Variants in PRKCSH observed in about 807,000 individuals in gnomAD.
PRKCSH encodes glucosidase 2 subunit beta.
Under a neutral mutation model 79.7 loss-of-function variants are expected in PRKCSH, and 42 were observed. That is an observed-to-expected ratio of 0.53 (90% CI 0.41 to 0.68). The LOEUF is 0.68. Ranked by LOEUF, PRKCSH falls within the 30% of genes least tolerant of loss-of-function variation. The pLI, the probability that PRKCSH is intolerant of heterozygous loss-of-function variation, is 0.00. For synonymous variants in PRKCSH, 325 were observed against 288.2 expected, an observed-to-expected ratio of 1.13 and a Z score of -1.29; for missense variants, 686 against 709.0, an observed-to-expected ratio of 0.97 and a Z score of 0.37.
chr19:11,435,704 C>T lies in PRKCSH; in HGVS notation c.-80C>T. On this transcript the variant is annotated splice_region_variant and 5_prime_UTR_variant, in exon 1 of 18. Transcript: ENST00000677123. ...TGGATACTGACCTTTGCTCCGGCCT[C>T]GTGTAGGTGTGAACGAGCGGGTGGG... 11 of 1,318,700 alleles carry T rather than the reference C, an allele frequency of 8.3e-6. No homozygotes were observed. The highest frequency in any genetic ancestry group is 1.1e-5 in the Non-Finnish European group (11 of 1,008,918). 81.7% of individuals were successfully genotyped at this position (1,318,700 alleles called of 1,614,324 possible).
At chr19:11,441,200 A>T in intron 5 of PRKCSH, 40 bp from the exon 6 acceptor site, 1 of 1,598,192 alleles carries the variant, frequency 6.3e-7, no homozygotes, top group Middle Eastern at 1.7e-4. Context: ...GTGGATCCTA[A>T]GTGCCCCACT....
At chr19:11,446,997 G>T in intron 9 of PRKCSH, 77 bp from the exon 10 acceptor site, 2 of 1,495,576 alleles carry the variant, frequency 1.3e-6, no homozygotes. Flanking sequence ...GCCTGGCACC[G>T]CAGCCCGGGT....
chr19:11,438,783 A>G (rs1172780137), intron 5 of PRKCSH, among the ~76,000 whole-genome samples: 2 of 151,216 alleles, frequency 1.3e-5, no homozygotes, highest in East Asian at 3.9e-4. Context: ...AAAAAAGCAT[A>G]CAACAGAAGG....
chr19:11,438,614 G>A (rs1203451793), intron 5 of PRKCSH, among the ~76,000 whole-genome samples: 1 of 151,924 alleles, frequency 6.6e-6, no homozygotes, highest in African/African-American at 2.4e-5. Context: ...AATTAGCTGG[G>A]TGTGGTGGCG....
intron 9 of PRKCSH, 97 bp downstream of exon 9, chr19:11,446,447 G>GC (rs1970304886): frequency 7.3e-7 from 1 of 1,372,750 alleles, no homozygotes; most frequent in Non-Finnish European, 1.0e-6. Flanking sequence ...CTCCTTGCTG[G>GC]CCTGGGATGC....
intron 9 of PRKCSH, among the ~76,000 whole-genome samples, 181 bp from the exon 10 acceptor site, chr19:11,446,893 C>T (rs1023990882): frequency 2.6e-5 from 4 of 152,176 alleles, no homozygotes; most frequent in African/African-American, 7.2e-5. Flanking sequence ...CTCCTCCTCC[C>T]CTCCCACGGG....
intron 3 of PRKCSH, 72 bp downstream of exon 3, chr19:11,436,577 C>G: frequency 8.2e-7 from 1 of 1,213,954 alleles, no homozygotes; most frequent in Non-Finnish European, 1.2e-6. Flanking sequence ...GTCTGTGTGA[C>G]CAAGATACTA....
In PRKCSH at chr19:11,436,132, G is replaced by C. The variant is rs754740617; in HGVS notation, c.15G>C (p.Leu5=). The C allele has an allele frequency of 6.2e-7, 1 of 1,608,276 alleles. No homozygotes were observed. The highest frequency in any genetic ancestry group is 1.7e-5 in the Admixed American group (1 of 59,786). The change falls in exon 2 of 18, where the codon CTG becomes CTC. Residue 5 remains leucine, a synonymous_variant. Transcript: ENST00000677123. MLLP[L]LLLLPMCWAV... ...CGTCTGGTGAGATGCTGTTGCCGCTGCTGCTGCTGCTACCCATGTGCTGGG... is the reference window on the plus strand; with the variant it reads ...CGTCTGGTGAGATGCTGTTGCCGCTCCTGCTGCTGCTACCCATGTGCTGGG...
intron 5 of PRKCSH, among the ~76,000 whole-genome samples, chr19:11,439,560 G>T (rs1969950421): frequency 6.8e-6 from 1 of 147,910 alleles, no homozygotes. Flanking sequence ...TTTGAGACCA[G>T]CCTGGGCAAC....
chr19:11,445,934 G>GGGGT, intron 8 of PRKCSH: 1 of 505,578 alleles, frequency 2.0e-6, no homozygotes, highest in East Asian at 3.6e-5. Flanking sequence ...GGCAAGGGTG[G>GGGGT]GGGTGGGCTT....
chr19:11,439,605 CTTTTTTTTTTTTTTTT>C (rs758607686), intron 5 of PRKCSH, among the ~76,000 whole-genome samples: 1 of 68,850 alleles, frequency 1.5e-5, no homozygotes, highest in East Asian at 4.3e-4. Context: ...TTTTTCTTTT[CTTTTTTTTTTTTTTTT>C]TTTTTTTTTT....
rs540057283 is a variant in PRKCSH, at chr19:11,435,650, A to C, written c.-134A>C. 2.3e-6 allele frequency: 3 copies of C among 1,278,972 alleles called. No homozygotes were observed. The highest frequency in any genetic ancestry group is 2.0e-6 in the Non-Finnish European group (2 of 978,158). The allele number at this position is 1,278,972 out of a possible 1,614,324, so 79.2% of individuals were successfully genotyped here. A position where few individuals can be genotyped will look rare whatever the true frequency, so the allele number is the denominator to read the frequency against. ...TTTCCGCTTTCTTTCTGCAGCAGGA[A>C]CCGCGGCTGCTGGACAAGAGGGGTG... On this transcript the variant is annotated 5_prime_UTR_variant, in exon 1 of 18. Coordinates refer to ENST00000677123, the MANE Select transcript of PRKCSH (RefSeq NM_001289104.2).
chr19:11,438,258 C>T (rs564506136), intron 5 of PRKCSH, 134 bp downstream of exon 5: 4 of 961,716 alleles, frequency 4.2e-6, no homozygotes, highest in African/African-American at 1.6e-5. Flanking sequence ...CTTGTGAATC[C>T]TAATCCCCAC....
rs762703316 is a variant in PRKCSH, at chr19:11,448,894, T to C, written c.1287-20T>C. Reference sequence around the variant, plus strand: ...TGGAATCCCTGCGTTCCCCAACCCATATGTCCCGGTCCTCCACAGATACGT... The same window carrying C: ...TGGAATCCCTGCGTTCCCCAACCCACATGTCCCGGTCCTCCACAGATACGT... On this transcript the variant is annotated intron_variant, in intron 14 of 17. Coordinates refer to ENST00000677123, the MANE Select transcript of PRKCSH (RefSeq NM_001289104.2). The surrounding 1 kb of genome is among the most constrained non-coding windows in gnomAD (Gnocchi z 4.4). The C allele has an allele frequency of 1.2e-6, 2 of 1,614,010 alleles. No individual in the cohort carries two copies. Among genetic ancestry groups the C allele is most frequent in the South Asian group, 1.1e-5 (1 of 91,078 alleles).
rs35847588 is a variant in PRKCSH at position 11,447,697 on chromosome 19, C to G, written c.1034C>G (p.Ala345Gly). 21 of 1,573,194 alleles carry G rather than the reference C, an allele frequency of 1.3e-5. No homozygotes were observed. The highest frequency in any genetic ancestry group is 3.5e-4 in the Middle Eastern group (2 of 5,764). The change falls in exon 12 of 18, where the codon GCC becomes GGC. Residue 345 changes from alanine (A) to glycine (G), a missense_variant. By Grantham distance (60) the Ala-to-Gly change is moderately conservative (BLOSUM62 0). Coordinates refer to ENST00000677123, the MANE Select transcript of PRKCSH (RefSeq NM_001289104.2). The surrounding 1 kb of genome is among the most constrained non-coding windows in gnomAD (Gnocchi z 5.6). ...CTGACCCTGCCCCTGCCCCAGGAGGCCCCACCGCCACTGTCACCCCCGCAG... is the reference window on the plus strand; with the variant it reads ...CTGACCCTGCCCCTGCCCCAGGAGGGCCCACCGCCACTGTCACCCCCGCAG... ...SEVQGEQPKE[A>G]PPPLSPPQPA...
Position 11,445,431 on chromosome 19 carries a change from C to T in PRKCSH, c.641C>T (p.Ala214Val), listed in dbSNP as rs201953330. 18 of 1,614,010 alleles carry T rather than the reference C, an allele frequency of 1.1e-5. No individual in the cohort carries two copies. Among genetic ancestry groups the T allele is most frequent in the East Asian group, 8.9e-5 (4 of 44,878 alleles). ...AAKAQQEQEL[A>V]ADAFKELDDD... ...AAGGCCCAACAGGAGCAGGAGCTGG[C>T]GGCTGATGCCTTCAAGGAGCTGGAT... The change falls in exon 8 of 18, where the codon GCG becomes GTG. Residue 214 changes from alanine (A) to valine (V), a missense_variant. Transcript: ENST00000677123.
intron 9 of PRKCSH, among the ~76,000 whole-genome samples, chr19:11,446,649 CCT>C (rs1397103408): frequency 6.6e-6 from 1 of 151,372 alleles, no homozygotes; most frequent in African/African-American, 2.4e-5. Context: ...ACCCTCGTCC[CCT>C]GTCTGTCTCC....
At chr19:11,444,352 T>C (rs1282818599) in intron 7 of PRKCSH, among the ~76,000 whole-genome samples, 1 of 152,138 alleles carries the variant, frequency 6.6e-6, no homozygotes, top group Non-Finnish European at 1.5e-5. Context: ...GAGCCAGGGC[T>C]CCGAGGGTAG....
rs746599432 is a variant in PRKCSH, at chr19:11,449,068, T to C, written c.1362-8T>C. 6 of 1,613,270 alleles carry C rather than the reference T, an allele frequency of 3.7e-6. No homozygotes were observed. Among genetic ancestry groups the C allele is most frequent in the Non-Finnish European group, 4.2e-6 (5 of 1,179,990 alleles). On this transcript the variant is annotated splice_region_variant and splice_polypyrimidine_tract_variant and intron_variant, in intron 15 of 17. Coordinates refer to ENST00000677123, the MANE Select transcript of PRKCSH (RefSeq NM_001289104.2). The surrounding 1 kb of genome is among the most constrained non-coding windows in gnomAD (Gnocchi z 6.4). ...GGCCCAGCCCTCAGCACCCTGTGTC[T>C]CTCACAGCACCTGGGGCTCATGGAT...
Sources: allele counts gnomAD v4.1 joint callset (sites outside exome capture counted in the v4.1 genomes callset), GRCh38; gene constraint gnomAD v4.1.1; non-coding constraint Gnocchi (gnomAD v3.1); transcripts MANE v1.5; gene names NCBI Gene and HGNC (gene_info 2026-07-23, HGNC 2026-07-21).